The following LRRC3C variants were observed in gnomAD, a reference collection of about 807,000 sequenced individuals.
The protein encoded by LRRC3C is leucine-rich repeat-containing protein 3C.
Under a neutral mutation model 14.8 loss-of-function variants are expected in LRRC3C, and 11 were observed. The observed-to-expected ratio is 0.74, with a 90% CI of 0.47 to 1.23. LRRC3C has a LOEUF of 1.23. Among genes scored for constraint, LRRC3C ranks in the 50% most tolerant of loss-of-function variants. LRRC3C has a pLI of 0.00. For synonymous variants in LRRC3C, 149 were observed against 161.5 expected (o/e 0.92, Z 0.59); for missense variants, 354 against 361.8 (o/e 0.98, Z 0.18).
Position 39,940,580 on chromosome 17 carries a change from T to G in LRRC3C, c.-81-863T>G, listed in dbSNP as rs192411665. On this transcript the variant is annotated intron_variant, in intron 2 of 3. Coordinates refer to ENST00000377924, the MANE Select transcript of LRRC3C (RefSeq NM_001195545.2). ...GTATGCACCACCATGGTCTGCTAAT[T>G]TATTTTTCTTTTTGTAGAAAGTGCA... 5.3e-5 allele frequency among the ~76,000 whole-genome samples: 8 copies of G among 150,106 alleles called. No homozygotes were observed. The Admixed American group carries it at 5.4e-4, about 10-fold the overall frequency.
intron 2 of LRRC3C, among the ~76,000 whole-genome samples, chr17:39,936,978 A>AT (rs1455123223): frequency 7.9e-5 from 12 of 151,838 alleles, no homozygotes; most frequent in African/African-American, 2.9e-4. Context: ...AATAACATTA[A>AT]TAAAAAAAAT....
At chr17:39,928,804 A>C (rs1351853678) in intron 1 of LRRC3C, among the ~76,000 whole-genome samples, 1 of 152,196 alleles carries the variant, frequency 6.6e-6, no homozygotes, top group African/African-American at 2.4e-5. Context: ...GACTACACCT[A>C]CCTTTCCTTC....
chr17:39,941,536 T>C lies in LRRC3C; in HGVS notation c.13T>C (p.Ser5Pro). The C allele has an allele frequency of 6.5e-7, 1 of 1,535,720 alleles. No homozygotes were observed. The highest frequency in any genetic ancestry group is 8.7e-7 in the Non-Finnish European group (1 of 1,146,704). MRMTSSSFVSYCTPG... is the reference protein window; with the variant it reads MRMTPSSFVSYCTPG... The stretch of plus-strand genomic sequence containing the variant: ...AGAAAGGTCTCCAATGCGTATGACC[T>C]CATCTTCCTTCGTGTAAGTATATCC... Residue 5 changes from serine (S) to proline (P), a missense_variant, in exon 3 of 4, where the codon TCA becomes CCA. Physicochemically the swap from Ser to Pro is moderately conservative, Grantham distance 74. Transcript: ENST00000377924.
At chr17:39,938,592 A>G (rs1179406221) in intron 2 of LRRC3C, among the ~76,000 whole-genome samples, 2 of 151,282 alleles carry the variant, frequency 1.3e-5, no homozygotes, top group Non-Finnish European at 2.9e-5. Context: ...TCCCAGCTAC[A>G]TAGAAGGCTG....
chr17:39,939,501 T>A, intron 2 of LRRC3C: 1 of 693,456 alleles, frequency 1.4e-6, no homozygotes, highest in Non-Finnish European at 1.8e-6. Flanking sequence ...ACAGAGATTT[T>A]AATGTAATTG....
At chr17:39,935,640 C>A (rs181592247) in intron 1 of LRRC3C, among the ~76,000 whole-genome samples, 162 bp from the exon 2 acceptor site, 1 of 152,042 alleles carries the variant, frequency 6.6e-6, no homozygotes, top group Admixed American at 6.6e-5. Flanking sequence ...GATGACAGAA[C>A]GAGACCTGTC....
intron 1 of LRRC3C, among the ~76,000 whole-genome samples, chr17:39,930,853 C>A (rs764859607): frequency 6.6e-6 from 1 of 151,128 alleles, no homozygotes; most frequent in Non-Finnish European, 1.5e-5. Flanking sequence ...TTTAAAAAGT[C>A]CTCCATGGCT....
At chr17:39,932,164 T>C (rs4795405) in intron 1 of LRRC3C, among the ~76,000 whole-genome samples, 89,402 of 151,824 alleles carry the variant, frequency 0.59, 26,541 homozygotes, top group East Asian at 0.72. Context: ...ACCTCGTTGC[T>C]AAAAGAATTG....
intron 3 of LRRC3C, among the ~76,000 whole-genome samples, chr17:39,942,011 T>A (rs1283471722): frequency 6.6e-6 from 1 of 152,150 alleles, no homozygotes; most frequent in African/African-American, 2.4e-5. Context: ...TAAGCCACCA[T>A]GGGCTAAGGA....
chr17:39,930,277 C>CAA lies in LRRC3C; in HGVS notation c.-175+2483_-175+2484dup, dbSNP rs61165669. ...TGGGCAGCAGAGTGAGATCCTGTCT[C>CAA]AAAAAAAAAAAAAAAAAAAAAGGAA... On this transcript the variant is annotated intron_variant, in intron 1 of 3. Transcript: ENST00000377924. Among the ~76,000 whole-genome samples, 183 of 57,554 alleles carry CAA rather than the reference C, an allele frequency of 3.2e-3. 3 individuals are homozygous for CAA. Among genetic ancestry groups the CAA allele is most frequent in the Non-Finnish European group, 4.2e-3 (142 of 33,728 alleles). The allele number at this position is 57,554 out of a possible 152,430, so 37.8% of individuals were successfully genotyped here.
intron 1 of LRRC3C, among the ~76,000 whole-genome samples, chr17:39,930,537 G>A (rs546044571): frequency 9.8e-4 from 147 of 149,340 alleles, no homozygotes; most frequent in African/African-American, 3.4e-3. Flanking sequence ...GTGAAACTCC[G>A]TCTCTACTAA....
chr17:39,939,020 A>G (rs943058613), intron 2 of LRRC3C, among the ~76,000 whole-genome samples: 5 of 128,312 alleles, frequency 3.9e-5, no homozygotes, highest in Admixed American at 1.5e-4. Context: ...CATCTCAAAG[A>G]AAAAAAAAAA....
In LRRC3C at chr17:39,943,946, C is replaced by A; in HGVS notation, c.40C>A (p.Pro14Thr). 4 of 1,536,156 alleles carry A rather than the reference C, an allele frequency of 2.6e-6. 1 individual carries two copies. In the South Asian group the frequency reaches 4.8e-5, roughly 18 times the overall value. Residue 14 changes from proline (P) to threonine (T), a missense_variant, in exon 4 of 4, where the codon CCA becomes ACA. By Grantham distance (38) the Pro-to-Thr change is conservative (BLOSUM62 -1). Coordinates refer to ENST00000377924, the MANE Select transcript of LRRC3C (RefSeq NM_001195545.2). The part of the protein sequence containing the change: ...TSSSFVSYCT[P>T]GLCQFMAMLP... ...TTCCTTCCCCAGATCCTACTGCACTCCAGGACTATGCCAATTTATGGCCAT... is the reference window on the plus strand; with the variant it reads ...TTCCTTCCCCAGATCCTACTGCACTACAGGACTATGCCAATTTATGGCCAT...
chr17:39,931,982 G>A (rs1978662647), intron 1 of LRRC3C, among the ~76,000 whole-genome samples: 1 of 152,068 alleles, frequency 6.6e-6, no homozygotes, highest in South Asian at 2.1e-4. Context: ...GTTTAAAACT[G>A]TTCATAATAA....
At chr17:39,934,483 T>G (rs1369186330) in intron 1 of LRRC3C, 1 of 152,016 alleles carries the variant, frequency 6.6e-6, no homozygotes, top group East Asian at 1.9e-4. Flanking sequence ...TCAGTAACAA[T>G]CACAGCAAAC....
At chr17:39,933,931 G>A (rs1978727433) in intron 1 of LRRC3C, among the ~76,000 whole-genome samples, 1 of 152,202 alleles carries the variant, frequency 6.6e-6, no homozygotes, top group Non-Finnish European at 1.5e-5. Context: ...TTGGGTGGGG[G>A]ATACCCCAGG....
chr17:39,931,276 T>TCTA (rs1428184088), intron 1 of LRRC3C, among the ~76,000 whole-genome samples: 2 of 150,586 alleles, frequency 1.3e-5, no homozygotes, highest in Admixed American at 1.3e-4. Flanking sequence ...AAATCCCGTC[T>TCTA]CTACTAAAAA....
rs60209396 is a variant in LRRC3C at position 39,931,646 on chromosome 17, CTTTTTTTTTTTT to C, written c.-175+3842_-175+3853del. Reference sequence around the variant, plus strand: ...GAAGTTCCTTATATTATTTTCTATACTTTTTTTTTTTTTTTTTTTTTGAGACAGAGTCTCACT... The same window carrying C: ...GAAGTTCCTTATATTATTTTCTATACTTTTTTTTTGAGACAGAGTCTCACT... On this transcript the variant is annotated intron_variant, in intron 1 of 3. Transcript: ENST00000377924. Among the ~76,000 whole-genome samples, 128 of 93,508 alleles carry C rather than the reference CTTTTTTTTTTTT, an allele frequency of 1.4e-3. 1 individual carries two copies. In the East Asian group the frequency reaches 0.025, roughly 18 times the overall value. The allele number at this position is 93,508 out of a possible 152,430, so 61.3% of individuals were successfully genotyped here. A position where few individuals can be genotyped will look rare whatever the true frequency, so the allele number is the denominator to read the frequency against.
intron 2 of LRRC3C, among the ~76,000 whole-genome samples, chr17:39,937,158 G>A (rs1007438007): frequency 9.4e-5 from 14 of 149,086 alleles, no homozygotes; most frequent in African/African-American, 3.5e-4. Flanking sequence ...TAAATAGGCC[G>A]GGCGCAGTGG....
Sources: allele counts gnomAD v4.1 joint callset (sites outside exome capture counted in the v4.1 genomes callset), GRCh38; gene constraint gnomAD v4.1.1; transcripts MANE v1.5; gene names NCBI Gene and HGNC (gene_info 2026-07-23, HGNC 2026-07-21).